Variants in ANKS1B observed in about 807,000 individuals in gnomAD.
ANKS1B encodes ankyrin repeat and sterile alpha motif domain containing 1B, also known as ankyrin repeat and sterile alpha motif domain-containing protein 1B.
A neutral mutation model predicts 148.3 loss-of-function variants in ANKS1B; 36 were observed. The ratio of observed to expected loss-of-function variants is 0.24; its 90% CI spans 0.19 to 0.32. ANKS1B has a LOEUF of 0.32. Among genes scored for constraint, ANKS1B ranks in the 10% least tolerant of loss-of-function variants. The pLI is 1.00. For missense variants in ANKS1B, 1,157 were observed against 1,542.6 expected (o/e 0.75, Z 4.19); for synonymous variants, 542 against 560.8 (o/e 0.97, Z 0.47).
chr12:99,049,147 C>T (rs1012319081), intron 17 of ANKS1B: 2 of 152,042 alleles, frequency 1.3e-5, no homozygotes, highest in Admixed American at 1.3e-4. Flanking sequence ...TATTATGTCC[C>T]GTGGTGAAAG....
chr12:99,920,257 A>G (rs1183321461), intron 1 of ANKS1B, among the ~76,000 whole-genome samples: 1 of 152,192 alleles, frequency 6.6e-6, no homozygotes, highest in African/African-American at 2.4e-5. Flanking sequence ...AATAACTCCC[A>G]GCGAAAAATG....
intron 11 of ANKS1B, among the ~76,000 whole-genome samples, chr12:99,430,015 A>T (rs189590807): frequency 6.6e-6 from 1 of 151,958 alleles, no homozygotes; most frequent in East Asian, 1.9e-4. Flanking sequence ...CTAATGAGGC[A>T]TTAGAACAGC....
At chr12:99,776,883 C>A (rs1388617174) in intron 6 of ANKS1B, among the ~76,000 whole-genome samples, 1 of 152,006 alleles carries the variant, frequency 6.6e-6, no homozygotes, top group Non-Finnish European at 1.5e-5. Context: ...CAGGGTTTCA[C>A]CATGTTCGCC....
intron 12 of ANKS1B, among the ~76,000 whole-genome samples, chr12:99,358,904 T>G (rs1363415829): frequency 1.3e-5 from 2 of 152,094 alleles, no homozygotes; most frequent in East Asian, 3.9e-4. Flanking sequence ...AGATAGGCTA[T>G]CCTAGGGCAA....
At chr12:99,666,445 A>G (rs1194675604) in intron 8 of ANKS1B, among the ~76,000 whole-genome samples, 4 of 152,154 alleles carry the variant, frequency 2.6e-5, no homozygotes, top group African/African-American at 9.7e-5. Flanking sequence ...CGTAGGTATT[A>G]GGTTTTCTTT....
intron 17 of ANKS1B, among the ~76,000 whole-genome samples, chr12:98,852,617 C>T (rs531328321): frequency 6.6e-6 from 1 of 152,168 alleles, no homozygotes; most frequent in South Asian, 2.1e-4. Flanking sequence ...TGTTTAATCC[C>T]CACGGACTAT....
intron 16 of ANKS1B, among the ~76,000 whole-genome samples, chr12:99,068,057 C>T (rs539440548): frequency 7.2e-5 from 11 of 151,874 alleles, no homozygotes; most frequent in Non-Finnish European, 1.5e-4. Context: ...AATTTTTAGG[C>T]ACTATAGTGC....
chr12:99,235,888 C>T (rs887038627), intron 14 of ANKS1B, among the ~76,000 whole-genome samples: 4 of 152,154 alleles, frequency 2.6e-5, no homozygotes, highest in Non-Finnish European at 5.9e-5. Context: ...CTTAGACCTG[C>T]ATATTCTTTT....
intron 1 of ANKS1B, among the ~76,000 whole-genome samples, chr12:99,929,479 T>C (rs2094558172): frequency 6.6e-6 from 1 of 152,226 alleles, no homozygotes. Flanking sequence ...TTTCTTTTGC[T>C]GTGCAGAAGC....
intron 1 of ANKS1B, among the ~76,000 whole-genome samples, chr12:99,978,204 C>T (rs1043987667): frequency 3.9e-5 from 6 of 152,206 alleles, no homozygotes; most frequent in Admixed American, 2.6e-4. Context: ...GCCTTAATGT[C>T]AGTGAAGACT....
chr12:99,284,958 G>A (rs1480771121), intron 12 of ANKS1B, among the ~76,000 whole-genome samples: 1 of 151,852 alleles, frequency 6.6e-6, no homozygotes, highest in Non-Finnish European at 1.5e-5. Context: ...TTTTTTATTA[G>A]GATATAATTG....
At chr12:99,919,585 T>C (rs540254002) in intron 1 of ANKS1B, among the ~76,000 whole-genome samples, 57 of 152,240 alleles carry the variant, frequency 3.7e-4, no homozygotes, top group Non-Finnish European at 7.2e-4. Context: ...GACCCAGCCA[T>C]AGGAAAGAAA....
intron 6 of ANKS1B, among the ~76,000 whole-genome samples, chr12:99,777,155 A>G (rs2063735740): frequency 6.6e-6 from 1 of 152,258 alleles, no homozygotes; most frequent in South Asian, 2.1e-4. Context: ...CCCTTTTCAT[A>G]CAGAGCATTT....
chr12:98,818,687 A>C (rs548044594), intron 19 of ANKS1B, among the ~76,000 whole-genome samples: 2 of 152,342 alleles, frequency 1.3e-5, no homozygotes, highest in Admixed American at 1.3e-4. Context: ...GGCTGAAAAA[A>C]ACCTAGATTT....
At position 99,403,439 on chromosome 12, in the gene ANKS1B, G is replaced by C. The variant is rs754528453; in HGVS notation, c.1576-3628C>G. On this transcript the variant is annotated intron_variant, in intron 11 of 26. Coordinates refer to ENST00000683438, the MANE Select transcript of ANKS1B (RefSeq NM_001352186.2). ...CCCAAAGTGCTGGGATTACAGGCGT[G>C]AACGACCATACCCAGCCCCCAATGC... Among the ~76,000 whole-genome samples, 170 of 143,454 alleles carry C rather than the reference G, an allele frequency of 1.2e-3. 22 individuals are homozygous for C. The highest frequency in any genetic ancestry group is 2.2e-3 in the Non-Finnish European group (142 of 65,430). The allele number at this position is 143,454 out of a possible 152,430, so 94.1% of individuals were successfully genotyped here.
At chr12:99,804,041 A>G (rs1443561829) in intron 4 of ANKS1B, among the ~76,000 whole-genome samples, 1 of 152,208 alleles carries the variant, frequency 6.6e-6, no homozygotes, top group Non-Finnish European at 1.5e-5. Context: ...ATATACATTT[A>G]TAAAATTGAA....
At chr12:99,522,434 C>G (rs1054336040) in intron 9 of ANKS1B, among the ~76,000 whole-genome samples, 1 of 152,158 alleles carries the variant, frequency 6.6e-6, no homozygotes, top group African/African-American at 2.4e-5. Flanking sequence ...TGCATACTGA[C>G]AGCACTTAAT....
At chr12:99,316,761 T>A (rs550992349) in intron 12 of ANKS1B, among the ~76,000 whole-genome samples, 1 of 152,210 alleles carries the variant, frequency 6.6e-6, no homozygotes, top group African/African-American at 2.4e-5. Context: ...ATGGCCTGAA[T>A]GGTATTGCCT....
At chr12:99,276,278 G>A (rs551824160) in intron 12 of ANKS1B, among the ~76,000 whole-genome samples, 5 of 152,246 alleles carry the variant, frequency 3.3e-5, no homozygotes, top group African/African-American at 4.8e-5. Flanking sequence ...ATCTCCTCCC[G>A]AAATTCAAAT....
Sources: allele counts gnomAD v4.1 joint callset (sites outside exome capture counted in the v4.1 genomes callset), GRCh38; gene constraint gnomAD v4.1.1; transcripts MANE v1.5; gene names NCBI Gene and HGNC (gene_info 2026-07-23, HGNC 2026-07-21).